ADD3: variants seen among roughly 807,000 people sequenced by gnomAD.
The protein encoded by ADD3 is gamma-adducin.
Under a neutral mutation model 80.2 loss-of-function variants are expected in ADD3, and 25 were observed. That is an observed-to-expected ratio of 0.31 (90% CI 0.23 to 0.44). The LOEUF (loss-of-function observed/expected upper bound fraction) is 0.44. Ranked by LOEUF, ADD3 falls within the 20% of genes least tolerant of loss-of-function variation. ADD3 has a pLI of 1.00. For missense variants in ADD3, 829 were observed against 847.5 expected, an observed-to-expected ratio of 0.98 and a Z score of 0.27; for synonymous variants, 284 against 289.6, an observed-to-expected ratio of 0.98 and a Z score of 0.20.
chr10:110,015,144 A>G (rs528580755), intron 1 of ADD3, among the ~76,000 whole-genome samples: 36 of 152,286 alleles, frequency 2.4e-4, no homozygotes, highest in Admixed American at 2.1e-3. Flanking sequence ...TTTTAGCTTT[A>G]AATTGGAGAT....
chr10:110,019,623 G>A (rs1003346611), intron 1 of ADD3, among the ~76,000 whole-genome samples: 7 of 152,126 alleles, frequency 4.6e-5, no homozygotes, highest in Admixed American at 2.6e-4. Flanking sequence ...CAAAGTGCTG[G>A]GATTACAGGC....
chr10:110,034,635 C>T (rs1855436161), intron 1 of ADD3, among the ~76,000 whole-genome samples: 1 of 152,102 alleles, frequency 6.6e-6, no homozygotes, highest in African/African-American at 2.4e-5. Context: ...CCTAGACAAT[C>T]ATACTCTAAA....
chr10:110,047,876 A>G (rs1283875240), intron 1 of ADD3, among the ~76,000 whole-genome samples: 1 of 152,202 alleles, frequency 6.6e-6, no homozygotes, highest in Non-Finnish European at 1.5e-5. Context: ...AGCTCAACTA[A>G]TGAGAACCAC....
chr10:110,116,444 A>G, intron 4 of ADD3, 34 bp downstream of exon 4: 1 of 1,609,658 alleles, frequency 6.2e-7, no homozygotes. Context: ...CTTTTTTAAA[A>G]AATTCCAGCT....
chr10:110,122,151 T>C lies in ADD3; in HGVS notation c.1002T>C (p.His334=), dbSNP rs781539645. 5.6e-6 allele frequency: 9 copies of C among 1,614,108 alleles called. No individual in the cohort carries two copies. The highest frequency in any genetic ancestry group is 5.9e-6 in the Non-Finnish European group (7 of 1,179,968). ...GTGCAGGTGGAGTAGACAATCTCCA[T>C]GTACTGGACTTTCAGAAGTATAAAG... ...LAGAGGVDNL[H]VLDFQKYKAF... is the part of the protein sequence containing the mutation. Residue 334 remains histidine, a synonymous_variant, in exon 9 of 15, where the codon CAT becomes CAC. Transcript: ENST00000356080.
intron 1 of ADD3, among the ~76,000 whole-genome samples, chr10:110,098,872 G>A (rs1848479176): frequency 6.6e-6 from 1 of 151,820 alleles, no homozygotes; most frequent in Non-Finnish European, 1.5e-5. Flanking sequence ...CTCGTGATCT[G>A]CCCCCTTGGC....
chr10:110,064,973 G>A (rs1322854069), intron 1 of ADD3, among the ~76,000 whole-genome samples: 1 of 152,056 alleles, frequency 6.6e-6, no homozygotes, highest in South Asian at 2.1e-4. Context: ...TGGGAGGATC[G>A]CTTGAACCTG....
intron 1 of ADD3, among the ~76,000 whole-genome samples, chr10:110,093,614 A>G (rs115228992): frequency 6.6e-6 from 1 of 152,316 alleles, no homozygotes; most frequent in African/African-American, 2.4e-5. Context: ...ACTTGAGTCA[A>G]TTTAGTGGTC....
Position 110,011,588 on chromosome 10 carries a change from T to C in ADD3, c.-30+3289T>C, listed in dbSNP as rs186467491. The stretch of plus-strand genomic sequence containing the variant: ...CACTAAACACTGTTTTTGTTATAAT[T>C]AGTGCTTTTCAGATTCCTTTGAAAA... On this transcript the variant is annotated intron_variant, in intron 1 of 14. Coordinates refer to ENST00000356080, the MANE Select transcript of ADD3 (RefSeq NM_016824.5). Among the ~76,000 whole-genome samples, 180 of 152,352 alleles carry C rather than the reference T, an allele frequency of 1.2e-3. 2 individuals carry two copies. Among genetic ancestry groups the C allele is most frequent in the African/African-American group, 4.2e-3 (175 of 41,586 alleles).
intron 10 of ADD3, 88 bp from the exon 11 acceptor site, chr10:110,125,738 C>A (rs1852067075): frequency 3.2e-6 from 3 of 940,994 alleles, no homozygotes; most frequent in Non-Finnish European, 3.1e-6. Context: ...TTGGCAATGC[C>A]CCTCTTGAGA....
intron 2 of ADD3, among the ~76,000 whole-genome samples, chr10:110,108,548 TTAAC>T (rs1228389448): frequency 2.0e-5 from 3 of 152,122 alleles, no homozygotes; most frequent in Admixed American, 6.5e-5. Context: ...AAAAATATGA[TTAAC>T]TACCCATCTC....
intron 1 of ADD3, among the ~76,000 whole-genome samples, chr10:110,009,915 G>C (rs1209099110): frequency 6.6e-6 from 1 of 152,172 alleles, no homozygotes; most frequent in Non-Finnish European, 1.5e-5. Context: ...GAAATGTTTG[G>C]TGAACATTTG....
intron 2 of ADD3, chr10:110,106,047 A>G (rs954734359): frequency 2.6e-5 from 4 of 152,072 alleles, no homozygotes; most frequent in Non-Finnish European, 5.9e-5. Context: ...TAATGGAGAA[A>G]TTCTAAGTAA....
intron 1 of ADD3, among the ~76,000 whole-genome samples, chr10:110,013,351 G>A (rs183140594): frequency 6.6e-6 from 1 of 152,016 alleles, no homozygotes; most frequent in African/African-American, 2.4e-5. Context: ...GTTCCTCCCC[G>A]CTCGGCTACC....
In ADD3 at chr10:110,009,237, A is replaced by G. The variant is rs11194948; in HGVS notation, c.-30+938A>G. Reference sequence around the variant, plus strand: ...GGGAGGATTATATGCAAGTTTGGGGAAGGAATTGATAAGATTCTGGGGTAT... The same window carrying G: ...GGGAGGATTATATGCAAGTTTGGGGGAGGAATTGATAAGATTCTGGGGTAT... On this transcript the variant is annotated intron_variant, in intron 1 of 14. Transcript: ENST00000356080. Among the ~76,000 whole-genome samples, 711 of 152,290 alleles carry G rather than the reference A, an allele frequency of 4.7e-3. 10 individuals carry two copies. The highest frequency in any genetic ancestry group is 0.016 in the African/African-American group (657 of 41,548).
At chr10:110,066,996 G>T (rs542331960) in intron 1 of ADD3, among the ~76,000 whole-genome samples, 2 of 152,282 alleles carry the variant, frequency 1.3e-5, no homozygotes, top group East Asian at 3.9e-4. Context: ...GCTCTGTTCT[G>T]ACTGTGTTAA....
intron 3 of ADD3, 104 bp downstream of exon 3, chr10:110,113,019 AT>A: frequency 8.4e-7 from 1 of 1,191,820 alleles, no homozygotes; most frequent in East Asian, 2.3e-5. Context: ...CCTTAAGTTT[AT>A]AACATCTAAT....
chr10:110,037,295 C>T (rs1309822658), intron 1 of ADD3, among the ~76,000 whole-genome samples: 3 of 152,154 alleles, frequency 2.0e-5, no homozygotes, highest in Non-Finnish European at 4.4e-5. Context: ...AGTGACTAGC[C>T]ACACAGTTCA....
At chr10:110,041,125 T>G (rs1481819365) in intron 1 of ADD3, among the ~76,000 whole-genome samples, 1 of 152,174 alleles carries the variant, frequency 6.6e-6, no homozygotes, top group Non-Finnish European at 1.5e-5. Context: ...TTTCAACATT[T>G]GAAGATTGAG....
Sources: allele counts gnomAD v4.1 joint callset (sites outside exome capture counted in the v4.1 genomes callset), GRCh38; gene constraint gnomAD v4.1.1; transcripts MANE v1.5; gene names NCBI Gene and HGNC (gene_info 2026-07-23, HGNC 2026-07-21).